BOP1: variants seen among roughly 807,000 people sequenced by gnomAD.
BOP1 encodes ribosome biogenesis protein BOP1.
Under a neutral mutation model 82.9 loss-of-function variants are expected in BOP1, and 54 were observed. The observed-to-expected ratio is 0.65, with a 90% CI of 0.52 to 0.82. BOP1 has a LOEUF of 0.82. BOP1 is among the 40% of genes least tolerant of loss of function. The pLI, the probability that BOP1 is intolerant of heterozygous loss-of-function variation, is 0.00. For synonymous variants in BOP1, 566 were observed against 451.1 expected, an observed-to-expected ratio of 1.25 and a Z score of -3.23; for missense variants, 1,170 against 1,072.0, an observed-to-expected ratio of 1.09 and a Z score of -1.28.
chr8:144,274,362 C>T (rs1845538448), intron 3 of BOP1, among the ~76,000 whole-genome samples: 1 of 152,212 alleles, frequency 6.6e-6, no homozygotes, highest in Non-Finnish European at 1.5e-5. Context: ...ACGGGCCCTG[C>T]TCTCCTCACC....
chr8:144,281,964 A>G (rs1228521508), intron 2 of BOP1: 3 of 152,274 alleles, frequency 2.0e-5, no homozygotes, highest in African/African-American at 4.8e-5. Flanking sequence ...AAAAACTCAC[A>G]TAAATGAAAA....
chr8:144,266,110 G>C (rs1028189394), intron 3 of BOP1: 7 of 152,482 alleles, frequency 4.6e-5, no homozygotes, highest in Admixed American at 4.6e-4. Context: ...GACAGGGTGC[G>C]GTCAGGCAGC....
At chr8:144,266,489 C>G (rs1166043562) in intron 3 of BOP1, 1 of 986,306 alleles carries the variant, frequency 1.0e-6, no homozygotes, top group Non-Finnish European at 1.2e-6. Context: ...CGCCCGGCAG[C>G]TGCCACCGCG....
intron 3 of BOP1, among the ~76,000 whole-genome samples, chr8:144,270,962 C>T (rs1339963240): frequency 1.2e-4 from 19 of 152,118 alleles, no homozygotes; most frequent in African/African-American, 4.6e-4. Context: ...GAGCTGCTGG[C>T]GGGACACATG....
At chr8:144,272,147 GGGCATGACACCCCA>G (rs1845502404) in intron 3 of BOP1, among the ~76,000 whole-genome samples, 2 of 151,982 alleles carry the variant, frequency 1.3e-5, no homozygotes, top group Non-Finnish European at 2.9e-5. Context: ...CACAGGCTTG[GGGCATGACACCCCA>G]AACACCCCCC....
In BOP1 at chr8:144,291,242, C is replaced by T. The variant is rs782424807; in HGVS notation, c.99+30G>A. 12 of 1,437,840 alleles carry T rather than the reference C, an allele frequency of 8.3e-6. No homozygotes were observed. The South Asian group carries it at 1.6e-4, about 19-fold the overall frequency. The allele number at this position is 1,437,840 out of a possible 1,614,324, so 89.1% of individuals were successfully genotyped here. A position where few individuals can be genotyped will look rare whatever the true frequency, so the allele number is the denominator to read the frequency against. ...GTGCCCGCCGGGCCCTCTAGGGACG[C>T]GCCCCGCCGCCCCGCATCGCCACAG... On this transcript the variant is annotated intron_variant, in intron 1 of 15. Coordinates refer to ENST00000569669, the MANE Select transcript of BOP1 (RefSeq NM_015201.5). This position sits in a 1 kb window ranked among gnomAD's most constrained non-coding sequence, Gnocchi z 4.1.
At chr8:144,283,624 C>T (rs1189467428) in intron 2 of BOP1, among the ~76,000 whole-genome samples, 2 of 151,934 alleles carry the variant, frequency 1.3e-5, no homozygotes, top group East Asian at 3.9e-4. Flanking sequence ...GTGACTCATT[C>T]TTTTTATTTT....
intron 2 of BOP1, 83 bp from the exon 3 acceptor site, chr8:144,276,387 C>T (rs1301485227): frequency 6.8e-7 from 1 of 1,474,658 alleles, no homozygotes; most frequent in Admixed American, 1.8e-5. Context: ...AGCCCACCAC[C>T]CCGAAATCTC....
intron 3 of BOP1, among the ~76,000 whole-genome samples, chr8:144,269,126 C>G (rs1845447291): frequency 6.6e-6 from 1 of 152,224 alleles, no homozygotes; most frequent in Non-Finnish European, 1.5e-5. Flanking sequence ...CCCCTGAAGA[C>G]CCCGCCCACC....
intron 3 of BOP1, among the ~76,000 whole-genome samples, chr8:144,271,281 T>C (rs1215882399): frequency 2.0e-5 from 3 of 151,806 alleles, no homozygotes; most frequent in Non-Finnish European, 2.9e-5. Context: ...GGACCACAGA[T>C]TGGAACTGCA....
chr8:144,262,590 C>T lies in BOP1; in HGVS notation c.1977G>A (p.Leu659=). Reference sequence around the variant, plus strand: ...CCTCCACCCCCAGCTTTCCTCACCTCAGCATCCTGTATGGCTTGGTGGAAA... The same window carrying T: ...CCTCCACCCCCAGCTTTCCTCACCTTAGCATCCTGTATGGCTTGGTGGAAA... The part of the protein sequence containing the change: ...LDLSTKPYRM[L]RHHKKALRAV... The change falls in exon 14 of 16, where the codon CTG becomes CTA. Residue 659 remains leucine (L), a splice_region_variant and synonymous_variant. Transcript: ENST00000569669. The T allele has an allele frequency of 6.2e-7, 1 of 1,613,496 alleles. No homozygotes were observed. The highest frequency in any genetic ancestry group is 1.7e-4 in the Middle Eastern group (1 of 6,056).
At chr8:144,278,230 A>G (rs1845603875) in intron 2 of BOP1, among the ~76,000 whole-genome samples, 1 of 93,360 alleles carries the variant, frequency 1.1e-5, no homozygotes, top group Non-Finnish European at 2.3e-5. Context: ...GCCGAGGGGG[A>G]GCGCAAGGAC....
chr8:144,268,942 G>A (rs1308415497), intron 3 of BOP1, among the ~76,000 whole-genome samples: 2 of 133,140 alleles, frequency 1.5e-5, no homozygotes, highest in African/African-American at 2.5e-5. Flanking sequence ...GCTGCCCAGC[G>A]GAGGGGGGGG....
At position 144,291,169 on chromosome 8, in the gene BOP1, G is replaced by A; in HGVS notation, c.99+103C>T. ...CGCCCAAGACCGATTCACTGGGCGC[G>A]GGCGCCCAGGTGACAGAAGCCGGGC... On this transcript the variant is annotated intron_variant, in intron 1 of 15. Transcript: ENST00000569669. The surrounding 1 kb of genome is among the most constrained non-coding windows in gnomAD (Gnocchi z 4.1). The A allele has an allele frequency of 1.0e-6, 1 of 999,182 alleles. No homozygotes were observed. Among genetic ancestry groups the A allele is most frequent in the South Asian group, 2.2e-5 (1 of 46,230 alleles). The allele number at this position is 999,182 out of a possible 1,614,324, so 61.9% of individuals were successfully genotyped here.
Position 144,291,410 on chromosome 8 carries a change from C to T in BOP1, c.-40G>A. On this transcript the variant is annotated 5_prime_UTR_variant, in exon 1 of 16. Transcript: ENST00000569669. This position sits in a 1 kb window ranked among gnomAD's most constrained non-coding sequence, Gnocchi z 4.1. ...CGGCCGCCACCCGCACAGCCGCTTC[C>T]GACAGCGACCGGGCCGCGTGCGCAG... 2 of 1,115,610 alleles carry T rather than the reference C, an allele frequency of 1.8e-6. No individual in the cohort carries two copies. The highest frequency in any genetic ancestry group is 8.5e-5 in the South Asian group (2 of 23,488). 69.1% of individuals were successfully genotyped at this position (1,115,610 alleles called of 1,614,324 possible).
At chr8:144,268,158 A>T (rs1845423750) in intron 3 of BOP1, 1 of 1,550,380 alleles carries the variant, frequency 6.5e-7, no homozygotes, top group African/African-American at 1.4e-5. Context: ...GGCCGGCAGC[A>T]GCCAGGAGGC....
intron 2 of BOP1, among the ~76,000 whole-genome samples, chr8:144,286,317 C>T (rs1588609048): frequency 6.6e-6 from 1 of 152,110 alleles, no homozygotes; most frequent in Non-Finnish European, 1.5e-5. Context: ...ACAGGACACG[C>T]GGGCAGATGC....
At chr8:144,279,240 C>T (rs1393778528) in intron 2 of BOP1, among the ~76,000 whole-genome samples, 1 of 152,030 alleles carries the variant, frequency 6.6e-6, no homozygotes, top group African/African-American at 2.4e-5. Context: ...CCGCCACAGG[C>T]CCTAAGACCA....
intron 3 of BOP1, among the ~76,000 whole-genome samples, chr8:144,274,736 C>A (rs1456518732): frequency 5.3e-5 from 8 of 152,262 alleles, no homozygotes; most frequent in Admixed American, 4.6e-4. Context: ...ACCCGGCAGG[C>A]GGCGGTGGCA....
Sources: gnomAD v4.1 joint callset for allele counts (sites outside exome capture counted in the v4.1 genomes callset) on GRCh38, gnomAD v4.1.1 for gene constraint, Gnocchi (gnomAD v3.1) non-coding constraint, MANE v1.5 for transcripts, NCBI Gene and HGNC (gene_info 2026-07-23, HGNC 2026-07-21) for gene names.